The following PDE8A variants were observed in gnomAD, a reference collection of about 807,000 sequenced individuals.
The protein encoded by PDE8A is phosphodiesterase 8A, also known as high affinity cAMP-specific and IBMX-insensitive 3',5'-cyclic phosphodiesterase 8A.
In PDE8A, 59 loss-of-function variants were observed where a neutral mutation model predicts 105.0. The observed-to-expected ratio is 0.56, with a 90% CI of 0.46 to 0.70. The LOEUF is 0.70. Among genes scored for constraint, PDE8A ranks in the 30% least tolerant of loss-of-function variants. The pLI, the probability that PDE8A is intolerant of heterozygous loss-of-function variation, is 0.00. For missense variants in PDE8A, 1,014 were observed against 1,045.9 expected (o/e 0.97, Z 0.42); for synonymous variants, 355 against 371.9 (o/e 0.95, Z 0.52).
intron 1 of PDE8A, among the ~76,000 whole-genome samples, chr15:84,991,667 A>G (rs954496419): frequency 6.6e-6 from 1 of 152,236 alleles, no homozygotes; most frequent in Admixed American, 6.5e-5. Flanking sequence ...TTTAATTCCA[A>G]ACTTTCCTGT....
At chr15:85,067,655 G>A (rs567132308) in intron 3 of PDE8A, among the ~76,000 whole-genome samples, 32 of 152,216 alleles carry the variant, frequency 2.1e-4, no homozygotes, top group African/African-American at 6.0e-4. Flanking sequence ...TTTAAAGAAA[G>A]TTATTTGTTG....
At chr15:84,995,510 A>G (rs1030806849) in intron 1 of PDE8A, among the ~76,000 whole-genome samples, 4 of 152,086 alleles carry the variant, frequency 2.6e-5, no homozygotes, top group Non-Finnish European at 5.9e-5. Context: ...TTGTAGAGAC[A>G]GGGTCTCATT....
chr15:84,986,406 C>T (rs1020081420), intron 1 of PDE8A, among the ~76,000 whole-genome samples: 2 of 152,068 alleles, frequency 1.3e-5, no homozygotes, highest in African/African-American at 4.8e-5. Context: ...CTTCCTTCAA[C>T]CTCTTTTCTC....
rs902757150 is a variant in PDE8A, at chr15:85,010,986, A to G, written c.186+28638A>G. 9.2e-5 allele frequency among the ~76,000 whole-genome samples: 14 copies of G among 152,284 alleles called. No homozygotes were observed. In the East Asian group the frequency reaches 2.3e-3, roughly 25 times the overall value. On this transcript the variant is annotated intron_variant, in intron 1 of 21. Coordinates refer to ENST00000394553, the MANE Select transcript of PDE8A (RefSeq NM_002605.3). ...GTCAAGTCTATTTTAAGTCTGAGAA[A>G]TATGTCCTGGAAGTTAGTTTCAGAG... is the stretch of plus-strand genomic sequence containing the variant.
At chr15:84,998,292 G>T (rs866896713) in intron 1 of PDE8A, among the ~76,000 whole-genome samples, 4 of 152,298 alleles carry the variant, frequency 2.6e-5, no homozygotes, top group Middle Eastern at 3.4e-3. Context: ...TTATCTCATG[G>T]CACCTTTTAT....
In PDE8A at chr15:84,994,839, C is replaced by G. The variant is rs28517708; in HGVS notation, c.186+12491C>G. On this transcript the variant is annotated intron_variant, in intron 1 of 21. Transcript: ENST00000394553. ...ATTAGCTGGGCATGGTGGCAGGTGC[C>G]TATAATCCTAGCTACTAGAGGCTGA... is the stretch of plus-strand genomic sequence containing the variant. 4.4e-3 allele frequency among the ~76,000 whole-genome samples: 664 copies of G among 152,054 alleles called. 2 individuals are homozygous for G. Among genetic ancestry groups the G allele is most frequent in the African/African-American group, 0.015 (625 of 41,470 alleles).
rs760251845 is a variant in PDE8A at position 85,075,566 on chromosome 15, C to T, written c.435-296C>T. On this transcript the variant is annotated intron_variant, in intron 3 of 21. Transcript: ENST00000394553. ...TAAGCACAAAGCAGGGAAAATACTC[C>T]GCCTGAAACAATGCAGGTTAACAAA... 1.6e-4 allele frequency among the ~76,000 whole-genome samples: 24 copies of T among 152,284 alleles called. No individual in the cohort carries two copies. In the South Asian group the frequency reaches 2.1e-3, roughly 13 times the overall value.
At chr15:85,029,457 C>T (rs1191809816) in intron 1 of PDE8A, among the ~76,000 whole-genome samples, 5 of 148,296 alleles carry the variant, frequency 3.4e-5, no homozygotes, top group African/African-American at 7.5e-5. Flanking sequence ...CTTGGAGCAT[C>T]AGTCACAAAT....
intron 3 of PDE8A, among the ~76,000 whole-genome samples, chr15:85,072,723 G>A (rs1328759156): frequency 6.6e-6 from 1 of 151,832 alleles, no homozygotes; most frequent in East Asian, 1.9e-4. Flanking sequence ...TTTGATGTGT[G>A]AGACAGATAC....
chr15:85,018,513 T>C (rs2080366720), intron 1 of PDE8A, among the ~76,000 whole-genome samples: 2 of 152,236 alleles, frequency 1.3e-5, no homozygotes, highest in South Asian at 4.1e-4. Flanking sequence ...AACCAGTCTC[T>C]TACTATTGGG....
At chr15:84,986,959 CTT>C (rs2079812326) in intron 1 of PDE8A, among the ~76,000 whole-genome samples, 1 of 152,214 alleles carries the variant, frequency 6.6e-6, no homozygotes, top group African/African-American at 2.4e-5. Context: ...GCAATTTTCT[CTT>C]TGTGTGTGAC....
intron 1 of PDE8A, among the ~76,000 whole-genome samples, chr15:84,993,383 T>C (rs1248619289): frequency 2.2e-5 from 3 of 135,968 alleles, no homozygotes; most frequent in Admixed American, 8.9e-5. Flanking sequence ...GCAGAGTTTG[T>C]AGTGAGCCGA....
chr15:85,132,763 G>A (rs1022697475), intron 20 of PDE8A, among the ~76,000 whole-genome samples: 3 of 152,020 alleles, frequency 2.0e-5, no homozygotes, highest in Non-Finnish European at 4.4e-5. Flanking sequence ...GGCTTGTTAG[G>A]TTACTTTTCA....
At chr15:84,993,238 T>C (rs533555488) in intron 1 of PDE8A, among the ~76,000 whole-genome samples, 153 of 150,678 alleles carry the variant, frequency 1.0e-3, no homozygotes, top group Admixed American at 2.1e-3. Context: ...GGTCAGGAGA[T>C]CAAGACCATC....
At chr15:85,106,134 C>T (rs546717533) in intron 11 of PDE8A, among the ~76,000 whole-genome samples, 61 of 152,092 alleles carry the variant, frequency 4.0e-4, no homozygotes, top group African/African-American at 1.3e-3. Flanking sequence ...TTTCACAGTG[C>T]GTCCTTCATA....
chr15:85,093,735 A>G (rs1482888405), intron 8 of PDE8A, among the ~76,000 whole-genome samples: 1 of 152,154 alleles, frequency 6.6e-6, no homozygotes, highest in East Asian at 1.9e-4. Flanking sequence ...TGCATCCTAT[A>G]TGTATATCCA....
chr15:85,099,340 C>T (rs1567284373), intron 9 of PDE8A, among the ~76,000 whole-genome samples: 1 of 152,256 alleles, frequency 6.6e-6, no homozygotes, highest in African/African-American at 2.4e-5. Flanking sequence ...GCACAGCTCA[C>T]GTGCTTTGTC....
At chr15:84,992,991 G>A (rs78267113) in intron 1 of PDE8A, among the ~76,000 whole-genome samples, 2,475 of 152,266 alleles carry the variant, frequency 0.016, 76 homozygotes, top group African/African-American at 0.057. Context: ...CAGGTTCACT[G>A]TAATAGCATA....
chr15:85,000,677 A>G (rs1209948054), intron 1 of PDE8A, among the ~76,000 whole-genome samples: 1 of 152,160 alleles, frequency 6.6e-6, no homozygotes, highest in Non-Finnish European at 1.5e-5. Flanking sequence ...CAAGCATGGC[A>G]TGTGAACTGG....
Sources: gnomAD v4.1 joint callset for allele counts (sites outside exome capture counted in the v4.1 genomes callset) on GRCh38, gnomAD v4.1.1 for gene constraint, MANE v1.5 for transcripts, NCBI Gene and HGNC (gene_info 2026-07-23, HGNC 2026-07-21) for gene names.